Variants in CAST observed in about 807,000 individuals in gnomAD.
The protein encoded by CAST is MIR583 host.
In CAST, 76 loss-of-function variants were observed where a neutral mutation model predicts 119.6. The ratio of observed to expected loss-of-function variants is 0.64; its 90% confidence interval spans 0.53 to 0.77. CAST has a LOEUF of 0.77. CAST is among the 30% of genes least tolerant of loss of function. The pLI is 0.00. For missense variants in CAST, 953 were observed against 946.5 expected (o/e 1.01, Z -0.09); for synonymous variants, 319 against 331.6 (o/e 0.96, Z 0.41).
the CAST span, among the ~76,000 whole-genome samples, chr5:96,258,598 C>G: frequency 2.3e-3 from 348 of 152,252 alleles, no homozygotes; most frequent in Non-Finnish European, 4.4e-3. Context: ...ACCCACCCCC[C>G]ACCATGTTTC....
At chr5:96,267,175 T>C in the CAST span, among the ~76,000 whole-genome samples, 2 of 152,244 alleles carry the variant, frequency 1.3e-5, no homozygotes, top group South Asian at 2.1e-4. Flanking sequence ...CTACAAAGTA[T>C]AGAAAATTGC....
the CAST span, among the ~76,000 whole-genome samples, chr5:96,236,819 TAC>T: frequency 6.6e-6 from 1 of 152,218 alleles, no homozygotes; most frequent in Admixed American, 6.5e-5. Flanking sequence ...CATGATAACT[TAC>T]TGGACCTGGG....
At chr5:96,647,321 T>G (rs1217972694) in intron 1 of CAST, among the ~76,000 whole-genome samples, 1 of 152,226 alleles carries the variant, frequency 6.6e-6, no homozygotes, top group East Asian at 1.9e-4. Flanking sequence ...GTTATTCAAA[T>G]TAACACCTAG....
Position 96,754,699 on chromosome 5 carries a change from A to G in CAST, c.1668A>G (p.Lys556=). Residue 556 remains lysine, a synonymous_variant, in exon 22 of 32, where the codon AAA becomes AAG. Coordinates refer to ENST00000675179, the MANE Select transcript of CAST (RefSeq NM_001750.7). The stretch of plus-strand genomic sequence containing the variant: ...AAGACCGTGAAAAGCTTGGTGAAAA[A>G]GAAGAAACAATTCCTCCTGATTATA... The part of the protein sequence containing the change: ...KEEDREKLGE[K]EETIPPDYRL... 1 of 1,610,280 alleles carries G rather than the reference A, an allele frequency of 6.2e-7. No individual in the cohort carries two copies.
intron 1 of CAST, among the ~76,000 whole-genome samples, chr5:96,644,174 G>T (rs1487905571): frequency 3.3e-5 from 5 of 152,140 alleles, no homozygotes; most frequent in Non-Finnish European, 7.3e-5. Context: ...TGGGTGAATT[G>T]TATGGTATGG....
the CAST span, among the ~76,000 whole-genome samples, chr5:96,228,146 C>G: frequency 1.3e-5 from 2 of 152,164 alleles, no homozygotes; most frequent in Admixed American, 1.3e-4. Context: ...GGTGGCAAGA[C>G]TAAGACTAAT....
At chr5:96,020,937 T>G in the CAST span, among the ~76,000 whole-genome samples, 1 of 151,120 alleles carries the variant, frequency 6.6e-6, no homozygotes, top group Non-Finnish European at 1.5e-5. Flanking sequence ...TAATGACATT[T>G]GTTTCACATT....
At chr5:96,627,503 T>C (rs1048868184) in intron 1 of CAST, among the ~76,000 whole-genome samples, 1 of 152,156 alleles carries the variant, frequency 6.6e-6, no homozygotes, top group East Asian at 1.9e-4. Flanking sequence ...AAATACAAAG[T>C]CAGACATTTT....
the CAST span, among the ~76,000 whole-genome samples, chr5:96,127,459 A>G: frequency 6.6e-6 from 1 of 152,092 alleles, no homozygotes; most frequent in Admixed American, 6.6e-5. Context: ...CTGTGTCTGA[A>G]AGCTGAGTAC....
chr5:96,768,754 A>G (rs967316252), intron 29 of CAST, among the ~76,000 whole-genome samples: 6 of 152,108 alleles, frequency 3.9e-5, no homozygotes, highest in African/African-American at 7.2e-5. Flanking sequence ...GCTTAGCCCA[A>G]CTGGTCTACT....
intron 1 of CAST, among the ~76,000 whole-genome samples, chr5:96,595,266 G>A (rs1441193213): frequency 6.6e-6 from 1 of 152,186 alleles, no homozygotes; most frequent in African/African-American, 2.4e-5. Context: ...TCCCCCATTG[G>A]CAACTCCAGT....
the CAST span, among the ~76,000 whole-genome samples, chr5:96,503,989 G>A: frequency 1.3e-5 from 2 of 152,160 alleles, no homozygotes; most frequent in Admixed American, 1.3e-4. Flanking sequence ...AGAGAGAAGT[G>A]ACTCTCCAGG....
the CAST span, among the ~76,000 whole-genome samples, chr5:96,455,275 CAA>C: frequency 3.3e-5 from 5 of 152,074 alleles, no homozygotes; most frequent in Non-Finnish European, 7.4e-5. Context: ...AAAGAAAAGT[CAA>C]AGATTCTTTT....
At chr5:96,672,847 T>A (rs1750281998) in intron 1 of CAST, among the ~76,000 whole-genome samples, 1 of 152,170 alleles carries the variant, frequency 6.6e-6, no homozygotes, top group African/African-American at 2.4e-5. Flanking sequence ...TGTGAGCAAC[T>A]TTTTCTTTTG....
the CAST span, among the ~76,000 whole-genome samples, chr5:96,299,199 C>T: frequency 6.6e-6 from 1 of 151,926 alleles, no homozygotes; most frequent in Admixed American, 6.6e-5. Context: ...GAGCCAAGAT[C>T]GCACCATTGC....
the CAST span, among the ~76,000 whole-genome samples, chr5:96,431,199 A>T: frequency 6.6e-6 from 1 of 152,132 alleles, no homozygotes; most frequent in East Asian, 1.9e-4. Flanking sequence ...GGTCTCAAAA[A>T]TTCCTAATAA....
chr5:96,692,445 A>G (rs1201761085), intron 2 of CAST, among the ~76,000 whole-genome samples: 1 of 152,178 alleles, frequency 6.6e-6, no homozygotes, highest in African/African-American at 2.4e-5. Context: ...TTCTGATCCC[A>G]CATCACTTCA....
intron 6 of CAST, among the ~76,000 whole-genome samples, chr5:96,727,912 G>A (rs1028343564): frequency 6.6e-6 from 1 of 152,130 alleles, no homozygotes; most frequent in African/African-American, 2.4e-5. Flanking sequence ...GGTGTCTGCT[G>A]AACTCAGCAC....
chr5:96,745,175 CA>C (rs1763504724), intron 16 of CAST, among the ~76,000 whole-genome samples: 2 of 152,134 alleles, frequency 1.3e-5, no homozygotes, highest in African/African-American at 4.8e-5. Flanking sequence ...TGCTCCATGA[CA>C]GGATTTCTCC....
Sources: allele counts gnomAD v4.1 joint callset (sites outside exome capture counted in the v4.1 genomes callset), GRCh38; gene constraint gnomAD v4.1.1; transcripts MANE v1.5; gene names NCBI Gene and HGNC (gene_info 2026-07-23, HGNC 2026-07-21).